The following USP12 variants were observed in gnomAD, a reference collection of about 807,000 sequenced individuals.
The protein encoded by USP12 is ubiquitin specific peptidase 12, also known as ubiquitin carboxyl-terminal hydrolase 12.
Under a neutral mutation model 45.5 loss-of-function variants are expected in USP12, and 19 were observed. The observed-to-expected ratio is 0.42, with a 90% confidence interval of 0.29 to 0.61. The LOEUF (loss-of-function observed/expected upper bound fraction) is 0.61, where lower values mean the gene tolerates loss of function less well. USP12 is among the 20% of genes least tolerant of loss of function. The pLI, the probability that USP12 is intolerant of heterozygous loss-of-function variation, is 0.22. For synonymous variants in USP12, 149 were observed against 148.8 expected (o/e 1.00, Z -0.01); for missense variants, 242 against 447.7 (o/e 0.54, Z 4.15).
At chr13:27,095,284 C>T (rs148619778) in intron 4 of USP12, among the ~76,000 whole-genome samples, 227 of 152,292 alleles carry the variant, frequency 1.5e-3, no homozygotes, top group African/African-American at 5.2e-3. Flanking sequence ...ATATGCCTCC[C>T]TGATCTGTAT....
intron 7 of USP12, among the ~76,000 whole-genome samples, chr13:27,074,973 A>G (rs906270393): frequency 9.9e-5 from 15 of 152,202 alleles, no homozygotes; most frequent in Non-Finnish European, 1.5e-4. Flanking sequence ...GTACTTGTAG[A>G]GTAATAAATA....
chr13:27,118,029 C>T (rs1019309563), intron 1 of USP12, among the ~76,000 whole-genome samples: 3 of 148,940 alleles, frequency 2.0e-5, no homozygotes, highest in Non-Finnish European at 3.0e-5. Context: ...ATATAACTGC[C>T]GGGACATTGC....
intron 1 of USP12, among the ~76,000 whole-genome samples, chr13:27,161,724 A>G (rs1161867827): frequency 1.3e-5 from 2 of 151,930 alleles, no homozygotes; most frequent in Non-Finnish European, 2.9e-5. Flanking sequence ...AATTAATTAA[A>G]AAGAAAAAAT....
Position 27,171,685 on chromosome 13 carries a change from G to C in USP12, c.-46C>G. ...CCCAATCACAGCGGCGGCGGCGGGC[G>C]GGGGAGGAGGGGAGCCGGGCCGCCC... On this transcript the variant is annotated 5_prime_UTR_variant, in exon 1 of 9. Transcript: ENST00000282344. The C allele has an allele frequency of 8.5e-7, 1 of 1,181,556 alleles. No homozygotes were observed. The highest frequency in any genetic ancestry group is 1.1e-6 in the Non-Finnish European group (1 of 922,090). The allele number at this position is 1,181,556 out of a possible 1,614,324, so 73.2% of individuals were successfully genotyped here. A position where few individuals can be genotyped will look rare whatever the true frequency, so the allele number is the denominator to read the frequency against.
At chr13:27,170,110 T>C in intron 1 of USP12, 1 of 390,110 alleles carries the variant, frequency 2.6e-6, no homozygotes, top group Non-Finnish European at 4.5e-6. Flanking sequence ...ATCATTTTAA[T>C]ATAGTCCATT....
Position 27,112,287 on chromosome 13 carries a change from CT to C in USP12, c.129+4228del, listed in dbSNP as rs750413408. On this transcript the variant is annotated intron_variant, in intron 2 of 8. Coordinates refer to ENST00000282344, the MANE Select transcript of USP12 (RefSeq NM_182488.4). ...CTGGCCCTTCATCATTTCATAGCTA[CT>C]TTTTTTTTTTTTTTCCTGAGACAGT... 8.9e-3 allele frequency among the ~76,000 whole-genome samples: 1,281 copies of C among 143,190 alleles called. 14 individuals carry two copies. The highest frequency in any genetic ancestry group is 0.029 in the East Asian group (142 of 4,950). 93.9% of individuals were successfully genotyped at this position (143,190 alleles called of 152,430 possible). A position where few individuals can be genotyped will look rare whatever the true frequency, so the allele number is the denominator to read the frequency against.
chr13:27,127,627 A>G (rs1262693878), intron 1 of USP12, among the ~76,000 whole-genome samples: 1 of 152,138 alleles, frequency 6.6e-6, no homozygotes, highest in African/African-American at 2.4e-5. Context: ...TATCCCTCCT[A>G]AAAATCTTCA....
At chr13:27,099,425 A>G (rs931218918) in intron 3 of USP12, among the ~76,000 whole-genome samples, 7 of 152,070 alleles carry the variant, frequency 4.6e-5, no homozygotes, top group Non-Finnish European at 8.8e-5. Flanking sequence ...GGCTCAAGCA[A>G]TCTGCCTGTC....
At chr13:27,171,214 C>T in intron 1 of USP12, among the ~76,000 whole-genome samples, 1 of 150,668 alleles carries the variant, frequency 6.6e-6, no homozygotes, top group Non-Finnish European at 1.5e-5. Context: ...GCGCGCCCAC[C>T]CCTCACCCCG....
chr13:27,148,795 TACAC>T (rs58820564), intron 1 of USP12, among the ~76,000 whole-genome samples: 5 of 141,800 alleles, frequency 3.5e-5, no homozygotes, highest in East Asian at 4.0e-4. Context: ...ATCATCTTAA[TACAC>T]ACACACACAC....
Position 27,069,138 on chromosome 13 carries a change from C to T in USP12, c.*145G>A, listed in dbSNP as rs1036565538. The T allele has an allele frequency of 4.9e-5, 33 of 676,206 alleles. No individual in the cohort carries two copies. The highest frequency in any genetic ancestry group is 4.7e-4 in the African/African-American group (26 of 55,038). The allele number at this position is 676,206 out of a possible 1,614,324, so 41.9% of individuals were successfully genotyped here. ...TGATCGGAAGGGCTTGTCAATCCAT[C>T]GTCTTTGCTTTATCGTGTGCAAAGT... is the stretch of plus-strand genomic sequence containing the variant. On this transcript the variant is annotated 3_prime_UTR_variant, in exon 9 of 9. Coordinates refer to ENST00000282344, the MANE Select transcript of USP12 (RefSeq NM_182488.4).
intron 1 of USP12, among the ~76,000 whole-genome samples, chr13:27,157,605 G>A (rs942448570): frequency 2.5e-4 from 38 of 151,928 alleles, no homozygotes; most frequent in Admixed American, 7.9e-4. Flanking sequence ...ACAAGTTTGA[G>A]GACAAAATTA....
chr13:27,078,939 A>G (rs1260161905), intron 6 of USP12, among the ~76,000 whole-genome samples: 1 of 152,098 alleles, frequency 6.6e-6, no homozygotes, highest in African/African-American at 2.4e-5. Context: ...AATGTACTGG[A>G]CAATAAAGAA....
At chr13:27,127,181 T>C (rs150074445) in intron 1 of USP12, among the ~76,000 whole-genome samples, 3 of 152,206 alleles carry the variant, frequency 2.0e-5, no homozygotes, top group Non-Finnish European at 4.4e-5. Context: ...AGAAATCTCA[T>C]AGTTTTTAAC....
intron 6 of USP12, among the ~76,000 whole-genome samples, chr13:27,082,847 C>G (rs1257940589): frequency 6.6e-6 from 1 of 152,112 alleles, no homozygotes; most frequent in Non-Finnish European, 1.5e-5. Flanking sequence ...TCATCTTTTT[C>G]TTTTTGAGAC....
At chr13:27,117,772 G>A (rs771307518) in intron 1 of USP12, 1 of 518,050 alleles carries the variant, frequency 1.9e-6, no homozygotes, top group Non-Finnish European at 3.8e-6. Flanking sequence ...ACCTCGCACA[G>A]ACAATCATAG....
intron 1 of USP12, among the ~76,000 whole-genome samples, chr13:27,146,900 A>G (rs1421752611): frequency 1.3e-5 from 2 of 152,204 alleles, no homozygotes; most frequent in Non-Finnish European, 2.9e-5. Flanking sequence ...GCATCCTGCT[A>G]TTATAAAAAA....
At chr13:27,089,824 C>T in intron 6 of USP12, 59 bp downstream of exon 6, 3 of 1,542,710 alleles carry the variant, frequency 1.9e-6, no homozygotes, top group Non-Finnish European at 2.6e-6. Context: ...CTAAGCCCAC[C>T]TCCAACATCA....
At position 27,080,389 on chromosome 13, in the gene USP12, G is replaced by A. The variant is rs1198640556; in HGVS notation, c.735-5001C>T. Among the ~76,000 whole-genome samples the A allele has an allele frequency of 4.6e-5, 7 of 152,308 alleles. No homozygotes were observed. In the East Asian group the frequency reaches 1.4e-3, roughly 29 times the overall value. ...AGTTAGGAAAATGAAGCAAAAGGTA[G>A]GGCCTTCATCTCACAAACAGGAAGC... On this transcript the variant is annotated intron_variant, in intron 6 of 8. Coordinates refer to ENST00000282344, the MANE Select transcript of USP12 (RefSeq NM_182488.4).
Sources: gnomAD v4.1 joint callset for allele counts (sites outside exome capture counted in the v4.1 genomes callset) on GRCh38, gnomAD v4.1.1 for gene constraint, MANE v1.5 for transcripts, NCBI Gene and HGNC (gene_info 2026-07-23, HGNC 2026-07-21) for gene names.